The following FERMT2 variants were observed in gnomAD, a reference collection of about 807,000 sequenced individuals.
FERMT2 encodes FERM domain containing kindlin 2, also known as fermitin family homolog 2.
In FERMT2, 15 loss-of-function variants were observed where a neutral mutation model predicts 82.7. The observed-to-expected ratio is 0.18, with a 90% CI of 0.12 to 0.28. The LOEUF is 0.28. Ranked by LOEUF, FERMT2 falls within the 10% of genes least tolerant of loss-of-function variation. The pLI, the probability that FERMT2 is intolerant of heterozygous loss-of-function variation, is 1.00. For synonymous variants in FERMT2, 274 were observed against 271.5 expected (o/e 1.01, Z -0.09); for missense variants, 645 against 809.4 (o/e 0.80, Z 2.46).
chr14:52,926,350 T>C (rs371357849), intron 2 of FERMT2, among the ~76,000 whole-genome samples: 2 of 151,894 alleles, frequency 1.3e-5, no homozygotes, highest in Non-Finnish European at 2.9e-5. Flanking sequence ...ATGTTCTAAA[T>C]AAACATTTCT....
At chr14:52,937,995 TA>T (rs1239413278) in intron 2 of FERMT2, among the ~76,000 whole-genome samples, 1 of 152,232 alleles carries the variant, frequency 6.6e-6, no homozygotes, top group Non-Finnish European at 1.5e-5. Context: ...TGTCTGCATT[TA>T]ATCCTTACGA....
At chr14:52,870,255 T>C (rs1264174244) in intron 10 of FERMT2, among the ~76,000 whole-genome samples, 1 of 151,788 alleles carries the variant, frequency 6.6e-6, no homozygotes, top group Non-Finnish European at 1.5e-5. Flanking sequence ...GTACTTTTTT[T>C]TTTTTTTTTT....
intron 2 of FERMT2, among the ~76,000 whole-genome samples, chr14:52,936,693 C>T (rs990879712): frequency 1.3e-5 from 2 of 152,128 alleles, no homozygotes; most frequent in Non-Finnish European, 2.9e-5. Flanking sequence ...CCCACATCTC[C>T]TCCCATTTTT....
intron 2 of FERMT2, among the ~76,000 whole-genome samples, chr14:52,939,102 C>A (rs1446774939): frequency 1.3e-5 from 2 of 150,466 alleles, no homozygotes; most frequent in Non-Finnish European, 3.0e-5. Context: ...CGTCTGTAAT[C>A]CCAGCATTTT....
intron 2 of FERMT2, among the ~76,000 whole-genome samples, chr14:52,945,525 A>G (rs1890303667): frequency 6.6e-6 from 1 of 152,024 alleles, no homozygotes; most frequent in Non-Finnish European, 1.5e-5. Context: ...AGGTGCTAGT[A>G]TTACAGGCGT....
chr14:52,946,193 A>C (rs1318694964), intron 2 of FERMT2, among the ~76,000 whole-genome samples: 1 of 152,082 alleles, frequency 6.6e-6, no homozygotes, highest in African/African-American at 2.4e-5. Flanking sequence ...AATACTTCTC[A>C]ATGACCTCCA....
intron 8 of FERMT2, among the ~76,000 whole-genome samples, chr14:52,874,482 CTA>C (rs1313110736): frequency 1.3e-5 from 2 of 152,152 alleles, no homozygotes; most frequent in African/African-American, 2.4e-5. Context: ...TGAGAATATG[CTA>C]TCTTTAATAG....
At chr14:52,913,803 T>G (rs926424882) in intron 3 of FERMT2, among the ~76,000 whole-genome samples, 6 of 152,042 alleles carry the variant, frequency 3.9e-5, no homozygotes, top group African/African-American at 1.4e-4. Context: ...ACATCTAACT[T>G]CATTCTATAC....
chr14:52,860,754 CT>C, intron 12 of FERMT2: 1 of 568,198 alleles, frequency 1.8e-6, no homozygotes, highest in Non-Finnish European at 3.1e-6. Context: ...AACGGTACTA[CT>C]ATTACAGAAC....
At chr14:52,900,849 C>G (rs764386252) in intron 3 of FERMT2, among the ~76,000 whole-genome samples, 3 of 152,028 alleles carry the variant, frequency 2.0e-5, no homozygotes, top group Non-Finnish European at 4.4e-5. Flanking sequence ...CTGAATAGCC[C>G]TAGGGAAAAG....
At position 52,885,612 on chromosome 14, in the gene FERMT2, AG is replaced by A. The variant is rs376689573; in HGVS notation, c.527-4144del. Among the ~76,000 whole-genome samples, 14 of 152,274 alleles carry A rather than the reference AG, an allele frequency of 9.2e-5. No homozygotes were observed. In the East Asian group the frequency reaches 2.7e-3, roughly 29 times the overall value. ...ATGGAAAGATAACTTAAAAACTCTA[AG>A]GGGGAGAAATAGAGTTCAAAAAGCA... On this transcript the variant is annotated intron_variant, in intron 4 of 14. Coordinates refer to ENST00000341590, the MANE Select transcript of FERMT2 (RefSeq NM_006832.3).
At chr14:52,918,990 T>G (rs1020309721) in intron 3 of FERMT2, 133 bp downstream of exon 3, 3 of 531,816 alleles carry the variant, frequency 5.6e-6, no homozygotes, top group Non-Finnish European at 6.6e-6. Context: ...TTTAATGAAG[T>G]AGAAATTTCA....
At chr14:52,877,606 T>C (rs968129458) in intron 7 of FERMT2, among the ~76,000 whole-genome samples, 9 of 84,274 alleles carry the variant, frequency 1.1e-4, no homozygotes, top group South Asian at 4.4e-4. Flanking sequence ...TTTGCTAACC[T>C]CACTCCCCAT....
chr14:52,915,643 A>G (rs1232520511), intron 3 of FERMT2, among the ~76,000 whole-genome samples: 1 of 152,258 alleles, frequency 6.6e-6, no homozygotes, highest in African/African-American at 2.4e-5. Context: ...AGCAGTAAAC[A>G]TGAAAAACAA....
rs76728592 is a variant in FERMT2, at chr14:52,888,241, A to G, written c.526+5052T>C. Among the ~76,000 whole-genome samples the G allele has an allele frequency of 1.4e-4, 21 of 152,322 alleles. No homozygotes were observed. The South Asian group carries it at 2.1e-3, about 15-fold the overall frequency. On this transcript the variant is annotated intron_variant, in intron 4 of 14. Transcript: ENST00000341590. ...TTGCAACCCACTTTCCTACCAAACG[A>G]AAGTATTTTTAAAATACGGATTAGT...
intron 2 of FERMT2, chr14:52,928,253 T>C (rs1024849764): frequency 4.7e-6 from 1 of 210,656 alleles, no homozygotes; most frequent in Non-Finnish European, 1.0e-5. Flanking sequence ...TTGTGACTTA[T>C]AAGCACAGAT....
intron 3 of FERMT2, among the ~76,000 whole-genome samples, chr14:52,912,059 AC>A (rs944112156): frequency 4.7e-5 from 7 of 149,796 alleles, no homozygotes; most frequent in African/African-American, 1.5e-4. Flanking sequence ...GCTATCAGAT[AC>A]CCCCCTTCCC....
intron 6 of FERMT2, among the ~76,000 whole-genome samples, chr14:52,879,223 G>T (rs1437610394): frequency 6.6e-6 from 1 of 152,180 alleles, no homozygotes; most frequent in African/African-American, 2.4e-5. Flanking sequence ...AAATATACTT[G>T]TGGAAAATGT....
chr14:52,886,968 C>T (rs2139520225), intron 4 of FERMT2, among the ~76,000 whole-genome samples: 1 of 152,104 alleles, frequency 6.6e-6, no homozygotes, highest in Non-Finnish European at 1.5e-5. Flanking sequence ...CAGTATGTAT[C>T]ATCAAGTGAG....
Sources: gnomAD v4.1 joint callset for allele counts (sites outside exome capture counted in the v4.1 genomes callset) on GRCh38, gnomAD v4.1.1 for gene constraint, MANE v1.5 for transcripts, NCBI Gene and HGNC (gene_info 2026-07-23, HGNC 2026-07-21) for gene names.